The following SASH1 variants were observed in gnomAD, a reference collection of about 807,000 sequenced individuals.
The protein encoded by SASH1 is SAM and SH3 domain-containing protein 1.
Under a neutral mutation model 125.2 loss-of-function variants are expected in SASH1, and 44 were observed. The ratio of observed to expected loss-of-function variants is 0.35; its 90% confidence interval spans 0.28 to 0.45. The LOEUF is 0.45. Among genes scored for constraint, SASH1 ranks in the 20% least tolerant of loss-of-function variants. The pLI, the probability that SASH1 is intolerant of heterozygous loss-of-function variation, is 1.00. For synonymous variants in SASH1, 639 were observed against 649.1 expected (o/e 0.98, Z 0.24); for missense variants, 1,426 against 1,614.5 (o/e 0.88, Z 2.00).
At chr6:148,329,306 T>C (rs1037871352) in intron 1 of SASH1, among the ~76,000 whole-genome samples, 3 of 152,244 alleles carry the variant, frequency 2.0e-5, no homozygotes, top group African/African-American at 7.2e-5. Flanking sequence ...GCAGAAAATC[T>C]GGTGCCTGCT....
At chr6:148,220,263 T>A in the SASH1 span, among the ~76,000 whole-genome samples, 1 of 152,114 alleles carries the variant, frequency 6.6e-6, no homozygotes, top group Non-Finnish European at 1.5e-5. Flanking sequence ...CAACTCTGTA[T>A]CCTCATATGG....
chr6:148,410,921 G>C (rs1430402222), intron 2 of SASH1, among the ~76,000 whole-genome samples: 2 of 152,004 alleles, frequency 1.3e-5, no homozygotes, highest in Non-Finnish European at 2.9e-5. Flanking sequence ...GCACTTTGGG[G>C]GGCTGAGACG....
the SASH1 span, among the ~76,000 whole-genome samples, chr6:148,199,270 AG>A: frequency 6.6e-6 from 1 of 151,840 alleles, no homozygotes; most frequent in Non-Finnish European, 1.5e-5. Flanking sequence ...GCTACTCAGG[AG>A]GCTGAGCAGG....
chr6:148,471,609 A>T, intron 6 of SASH1, 106 bp downstream of exon 6: 1 of 704,410 alleles, frequency 1.4e-6, no homozygotes, highest in East Asian at 2.8e-5. Flanking sequence ...AACTCACCGC[A>T]TGTGCCCATA....
chr6:148,194,027 G>A, the SASH1 span, among the ~76,000 whole-genome samples: 4 of 152,188 alleles, frequency 2.6e-5, no homozygotes, highest in Non-Finnish European at 5.9e-5. Flanking sequence ...TCTCTAAGGT[G>A]TGTATACATA....
chr6:148,303,659 G>A (rs1780035800), intron 1 of SASH1, among the ~76,000 whole-genome samples: 1 of 151,878 alleles, frequency 6.6e-6, no homozygotes, highest in South Asian at 2.1e-4. Context: ...TAGCTGGGTG[G>A]TGGCGGGCAC....
chr6:148,463,042 C>T (rs1777686812), intron 4 of SASH1, among the ~76,000 whole-genome samples: 1 of 152,108 alleles, frequency 6.6e-6, no homozygotes, highest in Admixed American at 6.5e-5. Flanking sequence ...CCTCCTCCTA[C>T]TCTATGGTCT....
At chr6:148,501,355 A>G (rs1482029414) in intron 8 of SASH1, among the ~76,000 whole-genome samples, 3 of 152,140 alleles carry the variant, frequency 2.0e-5, no homozygotes, top group Admixed American at 2.0e-4. Context: ...TGGGATGAAC[A>G]CTTTCATCAG....
chr6:148,339,271 T>C (rs1296560519), upstream of SASH1, among the ~76,000 whole-genome samples: 1 of 152,046 alleles, frequency 6.6e-6, no homozygotes, highest in Admixed American at 6.6e-5. Context: ...CTCAAACTGC[T>C]GACCTCAGAT....
the SASH1 span, among the ~76,000 whole-genome samples, chr6:148,236,431 T>A: frequency 6.6e-6 from 1 of 152,068 alleles, no homozygotes; most frequent in African/African-American, 2.4e-5. Flanking sequence ...AGGCTGGTCT[T>A]GAATCCCTGA....
chr6:148,209,164 C>T, the SASH1 span, among the ~76,000 whole-genome samples: 1 of 152,194 alleles, frequency 6.6e-6, no homozygotes, highest in Non-Finnish European at 1.5e-5. Flanking sequence ...TATAAATCAC[C>T]TGAATTTTGA....
At chr6:148,352,997 A>G (rs1430744404) in intron 1 of SASH1, among the ~76,000 whole-genome samples, 2 of 152,154 alleles carry the variant, frequency 1.3e-5, no homozygotes, top group Non-Finnish European at 1.5e-5. Flanking sequence ...GTTATTATTA[A>G]CTACTAACAA....
the SASH1 span, among the ~76,000 whole-genome samples, chr6:148,199,211 G>C: frequency 3.3e-5 from 5 of 152,046 alleles, no homozygotes; most frequent in Non-Finnish European, 7.4e-5. Flanking sequence ...GCAAAACACT[G>C]TCTCTACTAA....
intron 1 of SASH1, among the ~76,000 whole-genome samples, chr6:148,324,511 C>G (rs72563836): frequency 6.6e-6 from 1 of 152,108 alleles, no homozygotes; most frequent in Non-Finnish European, 1.5e-5. Context: ...CAATGAATCA[C>G]CCAGTCCTTC....
At chr6:148,385,334 A>T (rs1783316603) in intron 1 of SASH1, among the ~76,000 whole-genome samples, 1 of 152,074 alleles carries the variant, frequency 6.6e-6, no homozygotes, top group Non-Finnish European at 1.5e-5. Context: ...AGTGATTGGG[A>T]ATGGGATAGA....
At chr6:148,451,707 A>G (rs1431030203) in intron 4 of SASH1, among the ~76,000 whole-genome samples, 1 of 152,144 alleles carries the variant, frequency 6.6e-6, no homozygotes, top group Non-Finnish European at 1.5e-5. Flanking sequence ...CAAGAAACTC[A>G]TACGTAATAT....
At chr6:148,499,011 T>C (rs530592877) in intron 8 of SASH1, among the ~76,000 whole-genome samples, 63 of 152,218 alleles carry the variant, frequency 4.1e-4, no homozygotes, top group African/African-American at 1.4e-3. Flanking sequence ...TTTGAGTCCA[T>C]TTGAATGTTG....
At chr6:148,279,006 T>C (rs1174828356) in intron 1 of SASH1, among the ~76,000 whole-genome samples, 1 of 151,824 alleles carries the variant, frequency 6.6e-6, no homozygotes, top group African/African-American at 2.4e-5. Flanking sequence ...TTTTTTTTTT[T>C]AATAGAGGCA....
intron 1 of SASH1, among the ~76,000 whole-genome samples, chr6:148,354,163 TCAAAA>T (rs1233742764): frequency 6.6e-6 from 1 of 151,846 alleles, no homozygotes; most frequent in Non-Finnish European, 1.5e-5. Context: ...AGACATTGTG[TCAAAA>T]CAAAGCAAAA....
Sources: gnomAD v4.1 joint callset for allele counts (sites outside exome capture counted in the v4.1 genomes callset) on GRCh38, gnomAD v4.1.1 for gene constraint, MANE v1.5 for transcripts, NCBI Gene and HGNC (gene_info 2026-07-23, HGNC 2026-07-21) for gene names.